WDR70: variants seen among roughly 807,000 people sequenced by gnomAD.
WDR70 encodes the protein WD repeat-containing protein 70.
In WDR70, 53 loss-of-function variants were observed where a neutral mutation model predicts 88.6. The observed-to-expected ratio is 0.60, with a 90% CI of 0.48 to 0.75. The LOEUF is 0.75. Ranked by LOEUF, WDR70 falls within the 30% of genes least tolerant of loss-of-function variation. The pLI, the probability that WDR70 is intolerant of heterozygous loss-of-function variation, is 0.00. For missense variants in WDR70, 610 were observed against 823.2 expected (o/e 0.74, Z 3.17); for synonymous variants, 280 against 270.0 (o/e 1.04, Z -0.36).
At chr5:37,438,649 GAAGT>G (rs1461748532) in intron 6 of WDR70, among the ~76,000 whole-genome samples, 3 of 152,072 alleles carry the variant, frequency 2.0e-5, no homozygotes, top group East Asian at 1.9e-4. Flanking sequence ...GACATGTAAA[GAAGT>G]AAGAAAATAC....
At chr5:37,467,972 C>T (rs1309727569) in intron 7 of WDR70, among the ~76,000 whole-genome samples, 1 of 152,130 alleles carries the variant, frequency 6.6e-6, no homozygotes, top group Non-Finnish European at 1.5e-5. Context: ...CCTCGGCCTC[C>T]CAAAGTGCTG....
intron 10 of WDR70, among the ~76,000 whole-genome samples, chr5:37,651,262 T>A (rs1745403404): frequency 6.6e-6 from 1 of 152,192 alleles, no homozygotes; most frequent in Non-Finnish European, 1.5e-5. Context: ...GGTTTCCAGC[T>A]TCATCCATGT....
At chr5:37,498,702 G>GT (rs1740304085) in intron 8 of WDR70, among the ~76,000 whole-genome samples, 1 of 152,172 alleles carries the variant, frequency 6.6e-6, no homozygotes, top group Admixed American at 6.5e-5. Context: ...TCAAAAACCT[G>GT]TAAGTTAAAC....
At chr5:37,404,595 C>T (rs1749295795) in intron 5 of WDR70, among the ~76,000 whole-genome samples, 1 of 152,086 alleles carries the variant, frequency 6.6e-6, no homozygotes, top group Admixed American at 6.5e-5. Context: ...TTTTTATATC[C>T]TTGTAGTGCC....
intron 10 of WDR70, among the ~76,000 whole-genome samples, chr5:37,625,242 G>GT (rs79606036): frequency 0.03 from 4,587 of 152,250 alleles, 95 homozygotes; most frequent in Non-Finnish European, 0.042. Context: ...TCCATTTGTA[G>GT]TTTTTTGAGG....
intron 8 of WDR70, among the ~76,000 whole-genome samples, chr5:37,495,852 C>G (rs1740199863): frequency 6.6e-6 from 1 of 152,198 alleles, no homozygotes. Context: ...ACTGTTTTAA[C>G]ACAAGGGCAC....
At chr5:37,391,370 C>A (rs1748813934) in intron 3 of WDR70, among the ~76,000 whole-genome samples, 1 of 152,148 alleles carries the variant, frequency 6.6e-6, no homozygotes, top group East Asian at 1.9e-4. Flanking sequence ...TAACACTGTT[C>A]ATCTTGTAAG....
At chr5:37,598,088 C>T (rs916137372) in intron 9 of WDR70, among the ~76,000 whole-genome samples, 2 of 152,050 alleles carry the variant, frequency 1.3e-5, no homozygotes, top group African/African-American at 2.4e-5. Context: ...TACAGCCTTC[C>T]CCCTATTGAA....
chr5:37,706,738 C>CACAT (rs1554013834), intron 13 of WDR70, among the ~76,000 whole-genome samples: 14 of 55,188 alleles, frequency 2.5e-4, no homozygotes, highest in Admixed American at 7.8e-4. Context: ...CACACACACA[C>CACAT]GCACACAGAC....
chr5:37,517,257 G>A (rs1418364917), intron 9 of WDR70, among the ~76,000 whole-genome samples: 3 of 152,112 alleles, frequency 2.0e-5, no homozygotes, highest in Non-Finnish European at 2.9e-5. Flanking sequence ...TATTGGCTAA[G>A]ATTGATTTTG....
At chr5:37,597,521 C>T (rs1276447048) in intron 9 of WDR70, among the ~76,000 whole-genome samples, 1 of 152,008 alleles carries the variant, frequency 6.6e-6, no homozygotes, top group Non-Finnish European at 1.5e-5. Flanking sequence ...AAATCTTTTC[C>T]CATTTTAAAT....
At chr5:37,511,646 T>C (rs771596598) in intron 8 of WDR70, among the ~76,000 whole-genome samples, 3 of 152,212 alleles carry the variant, frequency 2.0e-5, no homozygotes, top group African/African-American at 7.2e-5. Context: ...CTAACACATA[T>C]ATACATATAC....
chr5:37,677,957 G>T (rs997007961), intron 10 of WDR70, among the ~76,000 whole-genome samples: 5 of 152,172 alleles, frequency 3.3e-5, no homozygotes, highest in African/African-American at 1.2e-4. Context: ...AGCTCTTCTT[G>T]TTGAATTGAT....
chr5:37,624,579 G>T (rs896150292), intron 10 of WDR70, among the ~76,000 whole-genome samples: 2 of 152,046 alleles, frequency 1.3e-5, no homozygotes, highest in African/African-American at 4.8e-5. Flanking sequence ...CTTTCCCTTG[G>T]TCCCCTGATG....
chr5:37,411,475 CA>C (rs1365649533), intron 5 of WDR70, among the ~76,000 whole-genome samples: 4 of 151,946 alleles, frequency 2.6e-5, no homozygotes, highest in Non-Finnish European at 4.4e-5. Flanking sequence ...CCTGTAATTC[CA>C]ACACTTTGGG....
At chr5:37,560,461 A>G (rs1467188628) in intron 9 of WDR70, among the ~76,000 whole-genome samples, 1 of 152,204 alleles carries the variant, frequency 6.6e-6, no homozygotes, top group Non-Finnish European at 1.5e-5. Flanking sequence ...ATGAGAGTCT[A>G]CCTGGTAAGC....
intron 7 of WDR70, among the ~76,000 whole-genome samples, chr5:37,462,642 A>G (rs927629061): frequency 1.7e-4 from 26 of 152,114 alleles, no homozygotes; most frequent in South Asian, 1.2e-3. Context: ...TTGGTTAGCA[A>G]TAATTAAGAC....
At position 37,625,033 on chromosome 5, in the gene WDR70, T is replaced by C. The variant is rs1744624494; in HGVS notation, c.1092+19795T>C. On this transcript the variant is annotated intron_variant, in intron 10 of 17. Coordinates refer to ENST00000265107, the MANE Select transcript of WDR70 (RefSeq NM_018034.4). Reference sequence around the variant, plus strand: ...TTTGAGGAATAGGGGTTCTGGTTTCTACGACCCACCTTGGGGACCAGGGCT... The same window carrying C: ...TTTGAGGAATAGGGGTTCTGGTTTCCACGACCCACCTTGGGGACCAGGGCT... Among the ~76,000 whole-genome samples the C allele has an allele frequency of 2.0e-5, 3 of 152,202 alleles. No individual in the cohort carries two copies. The South Asian group carries it at 6.2e-4, about 32-fold the overall frequency.
At chr5:37,532,616 G>T (rs1224017720) in intron 9 of WDR70, among the ~76,000 whole-genome samples, 1 of 151,786 alleles carries the variant, frequency 6.6e-6, no homozygotes, top group Non-Finnish European at 1.5e-5. Context: ...AGTTGTGATT[G>T]TTTTTTGCTT....
Sources: allele counts gnomAD v4.1 joint callset (sites outside exome capture counted in the v4.1 genomes callset), GRCh38; gene constraint gnomAD v4.1.1; transcripts MANE v1.5; gene names NCBI Gene and HGNC (gene_info 2026-07-23, HGNC 2026-07-21).